Variants in CNTNAP2 observed in about 807,000 individuals in gnomAD.
CNTNAP2 encodes contactin associated protein 2.
A neutral mutation model predicts 155.2 loss-of-function variants in CNTNAP2; 98 were observed. The observed-to-expected ratio is 0.63, with a 90% confidence interval of 0.54 to 0.75. CNTNAP2 has a LOEUF of 0.75. CNTNAP2 is among the 30% of genes least tolerant of loss of function. The pLI is 0.00. For missense variants in CNTNAP2, 1,727 were observed against 1,688.1 expected, an observed-to-expected ratio of 1.02 and a Z score of -0.40; for synonymous variants, 651 against 631.2, an observed-to-expected ratio of 1.03 and a Z score of -0.47.
chr7:146,338,376 G>A (rs945736462), intron 1 of CNTNAP2, among the ~76,000 whole-genome samples: 2 of 152,060 alleles, frequency 1.3e-5, no homozygotes, highest in East Asian at 1.9e-4. Context: ...AGACCTGCAC[G>A]TATTTAAATT....
chr7:147,988,581 T>C (rs1801658967), intron 15 of CNTNAP2, among the ~76,000 whole-genome samples: 1 of 151,010 alleles, frequency 6.6e-6, no homozygotes, highest in Non-Finnish European at 1.5e-5. Context: ...AGATAGGAAT[T>C]TGGGCAAGAC....
At chr7:147,904,391 A>G (rs1321755873) in intron 14 of CNTNAP2, among the ~76,000 whole-genome samples, 3 of 152,206 alleles carry the variant, frequency 2.0e-5, no homozygotes, top group Non-Finnish European at 2.9e-5. Context: ...ATCAGCTGCC[A>G]TTCTTTGTGA....
intron 10 of CNTNAP2, among the ~76,000 whole-genome samples, chr7:147,406,207 A>G (rs1167519396): frequency 1.3e-5 from 2 of 152,046 alleles, no homozygotes; most frequent in Non-Finnish European, 2.9e-5. Context: ...AGGAAAGGAG[A>G]GGAGAGGAGG....
At chr7:147,151,392 G>A (rs977487810) in intron 8 of CNTNAP2, among the ~76,000 whole-genome samples, 1 of 151,784 alleles carries the variant, frequency 6.6e-6, no homozygotes, top group African/African-American at 2.4e-5. Context: ...GTGAGAAATA[G>A]GCCGACAAAA....
intron 2 of CNTNAP2, among the ~76,000 whole-genome samples, chr7:146,802,685 C>A (rs1484514211): frequency 6.6e-6 from 1 of 152,136 alleles, no homozygotes; most frequent in African/African-American, 2.4e-5. Flanking sequence ...TGAGGCCTCC[C>A]AGCCCTGGTT....
intron 14 of CNTNAP2, among the ~76,000 whole-genome samples, chr7:147,969,487 T>G (rs902846021): frequency 7.2e-5 from 11 of 152,184 alleles, no homozygotes; most frequent in African/African-American, 2.7e-4. Flanking sequence ...TGGGACCTAC[T>G]GCAGGGCCTA....
chr7:147,637,060 C>T (rs1211392102), intron 12 of CNTNAP2, among the ~76,000 whole-genome samples: 1 of 152,092 alleles, frequency 6.6e-6, no homozygotes, highest in African/African-American at 2.4e-5. Flanking sequence ...GGAGGATTGA[C>T]ATGTGAGGGC....
chr7:148,107,304 C>A (rs1484218805), intron 15 of CNTNAP2, among the ~76,000 whole-genome samples: 1 of 152,208 alleles, frequency 6.6e-6, no homozygotes, highest in Non-Finnish European at 1.5e-5. Context: ...CCAGCATATT[C>A]TTTTTCTCTG....
intron 8 of CNTNAP2, among the ~76,000 whole-genome samples, chr7:147,274,343 A>G (rs185256553): frequency 1.3e-5 from 2 of 152,262 alleles, no homozygotes; most frequent in Non-Finnish European, 2.9e-5. Flanking sequence ...AGTAATAGCC[A>G]TTCTGACTTG....
intron 1 of CNTNAP2, among the ~76,000 whole-genome samples, chr7:146,680,164 T>C (rs7802801): frequency 0.81 from 123,077 of 152,066 alleles, 50,419 homozygotes; most frequent in South Asian, 0.91. Flanking sequence ...ACATGAGGAC[T>C]TAAGGCTCAA....
intron 3 of CNTNAP2, chr7:146,915,887 G>A (rs1025304331): frequency 1.8e-4 from 27 of 152,042 alleles, no homozygotes; most frequent in African/African-American, 6.3e-4. Flanking sequence ...GGGCATCCTT[G>A]CCTTGTTCCA....
At chr7:146,345,438 C>T (rs1449396726) in intron 1 of CNTNAP2, among the ~76,000 whole-genome samples, 3 of 152,136 alleles carry the variant, frequency 2.0e-5, no homozygotes, top group Admixed American at 6.5e-5. Flanking sequence ...CTGTTGTTGA[C>T]GTCTCTTCAA....
At chr7:147,758,176 C>T (rs889600417) in intron 13 of CNTNAP2, among the ~76,000 whole-genome samples, 1 of 152,316 alleles carries the variant, frequency 6.6e-6, no homozygotes, top group African/African-American at 2.4e-5. Context: ...AATTACAAAA[C>T]TGGCACAAAG....
At chr7:147,015,746 A>G (rs1798713482) in intron 3 of CNTNAP2, among the ~76,000 whole-genome samples, 1 of 152,092 alleles carries the variant, frequency 6.6e-6, no homozygotes, top group Non-Finnish European at 1.5e-5. Context: ...AAATATTTTA[A>G]AAGAGAGGCC....
At chr7:147,017,881 A>G (rs954787627) in intron 3 of CNTNAP2, among the ~76,000 whole-genome samples, 4 of 152,108 alleles carry the variant, frequency 2.6e-5, no homozygotes, top group Non-Finnish European at 4.4e-5. Context: ...GGTTACTTCA[A>G]TTAGATACAA....
rs940956515 is a variant in CNTNAP2, at chr7:147,647,871, TA to T, written c.2098+8572del. Among the ~76,000 whole-genome samples, 27 of 152,052 alleles carry T rather than the reference TA, an allele frequency of 1.8e-4. 1 individual carries two copies. The East Asian group carries it at 4.9e-3, about 27-fold the overall frequency. The stretch of plus-strand genomic sequence containing the variant: ...ATTTAACAATAAACAGGCAAGCAAG[TA>T]AAAAAATAAGCAAAAGCAAGAAAAT... On this transcript the variant is annotated intron_variant, in intron 13 of 23. Coordinates refer to ENST00000361727, the MANE Select transcript of CNTNAP2 (RefSeq NM_014141.6).
At chr7:147,598,242 G>A (rs1249144321) in intron 12 of CNTNAP2, among the ~76,000 whole-genome samples, 1 of 151,240 alleles carries the variant, frequency 6.6e-6, no homozygotes, top group Non-Finnish European at 1.5e-5. Context: ...GTATACATGT[G>A]CCATGGTGGT....
intron 3 of CNTNAP2, among the ~76,000 whole-genome samples, chr7:146,899,330 C>T (rs1364196183): frequency 1.3e-5 from 2 of 152,146 alleles, no homozygotes; most frequent in Non-Finnish European, 2.9e-5. Flanking sequence ...TTGGACTTTT[C>T]TTCGGGGTCC....
Position 146,839,620 on chromosome 7 carries a change from A to G in CNTNAP2, c.209-91A>G, listed in dbSNP as rs933152824. ...ATCTGTGAAATAGAGCACTGCCAAG[A>G]CCAATTAAGATATGTAGAATATTCC... is the stretch of plus-strand genomic sequence containing the variant. On this transcript the variant is annotated intron_variant, in intron 2 of 23. Coordinates refer to ENST00000361727, the MANE Select transcript of CNTNAP2 (RefSeq NM_014141.6). 1.0e-4 allele frequency: 140 copies of G among 1,385,800 alleles called. No individual in the cohort carries two copies. The African/African-American group carries it at 1.9e-3, about 19-fold the overall frequency. The allele number at this position is 1,385,800 out of a possible 1,614,324, so 85.8% of individuals were successfully genotyped here.
Sources: gnomAD v4.1 joint callset for allele counts (sites outside exome capture counted in the v4.1 genomes callset) on GRCh38, gnomAD v4.1.1 for gene constraint, MANE v1.5 for transcripts, NCBI Gene and HGNC (gene_info 2026-07-23, HGNC 2026-07-21) for gene names.